DOCK1: variants seen among roughly 807,000 people sequenced by gnomAD.
The protein encoded by DOCK1 is dedicator of cytokinesis 1.
Under a neutral mutation model 262.7 loss-of-function variants are expected in DOCK1, and 138 were observed. That is an observed-to-expected ratio of 0.53 (90% CI 0.46 to 0.61). DOCK1 has a LOEUF of 0.61. Ranked by LOEUF, DOCK1 falls within the 20% of genes least tolerant of loss-of-function variation. The pLI, the probability that DOCK1 is intolerant of heterozygous loss-of-function variation, is 0.00. For synonymous variants in DOCK1, 866 were observed against 867.4 expected, an observed-to-expected ratio of 1.00 and a Z score of 0.03; for missense variants, 1,908 against 2,370.7, an observed-to-expected ratio of 0.80 and a Z score of 4.05.
At chr10:127,392,686 C>A (rs956520918) in intron 38 of DOCK1, among the ~76,000 whole-genome samples, 14 of 152,202 alleles carry the variant, frequency 9.2e-5, no homozygotes, top group African/African-American at 3.4e-4. Context: ...GTTAACGGAT[C>A]TTGCATCCTG....
chr10:127,363,105 G>T (rs1409394371), intron 33 of DOCK1, among the ~76,000 whole-genome samples: 1 of 105,442 alleles, frequency 9.5e-6, no homozygotes, highest in East Asian at 2.9e-4. Context: ...ACATGCACAT[G>T]CTATGACTTT....
chr10:127,237,704 G>A (rs2059122785), intron 27 of DOCK1, among the ~76,000 whole-genome samples: 1 of 152,150 alleles, frequency 6.6e-6, no homozygotes, highest in African/African-American at 2.4e-5. Context: ...ATCATTGGTT[G>A]TAGTTCTATT....
intron 29 of DOCK1, among the ~76,000 whole-genome samples, chr10:127,263,920 T>C (rs1354023073): frequency 2.0e-5 from 3 of 152,182 alleles, no homozygotes; most frequent in African/African-American, 4.8e-5. Flanking sequence ...ACTAGAATTT[T>C]AAGTGATAGG....
At chr10:127,447,702 C>T (rs369768271) in intron 51 of DOCK1, among the ~76,000 whole-genome samples, 157 bp downstream of exon 51, 3 of 152,234 alleles carry the variant, frequency 2.0e-5, no homozygotes, top group African/African-American at 7.2e-5. Context: ...AAAAAGATAT[C>T]GAAGCAGTAA....
chr10:127,378,919 C>T (rs2065675615), intron 35 of DOCK1, among the ~76,000 whole-genome samples: 1 of 152,146 alleles, frequency 6.6e-6, no homozygotes, highest in African/African-American at 2.4e-5. Flanking sequence ...CTAAATGTGC[C>T]CCCGCTTATT....
chr10:127,216,073 C>A (rs758805490), intron 27 of DOCK1, among the ~76,000 whole-genome samples: 1 of 152,080 alleles, frequency 6.6e-6, no homozygotes, highest in Non-Finnish European at 1.5e-5. Flanking sequence ...CAGGACCGGG[C>A]CTTCACTGAG....
At chr10:127,302,649 A>G (rs2061721200) in intron 29 of DOCK1, among the ~76,000 whole-genome samples, 1 of 151,848 alleles carries the variant, frequency 6.6e-6, no homozygotes, top group Non-Finnish European at 1.5e-5. Context: ...TGTATTCTTC[A>G]GTTGAAGTCT....
intron 31 of DOCK1, among the ~76,000 whole-genome samples, chr10:127,348,636 GGGGT>G (rs2063749094): frequency 5.1e-5 from 1 of 19,756 alleles, no homozygotes; most frequent in African/African-American, 2.3e-4. Context: ...CAGTTTTGGC[GGGGT>G]GGGTGGGTTG....
intron 40 of DOCK1, among the ~76,000 whole-genome samples, chr10:127,408,198 C>G (rs1345968125): frequency 1.3e-5 from 2 of 152,170 alleles, no homozygotes; most frequent in African/African-American, 2.4e-5. Context: ...CTCCCCTCCC[C>G]GCCCCGGACT....
chr10:127,242,090 C>A (rs1436861247), intron 27 of DOCK1, among the ~76,000 whole-genome samples: 2 of 152,152 alleles, frequency 1.3e-5, no homozygotes, highest in Admixed American at 1.3e-4. Context: ...CACTCATCAC[C>A]CTCTTTCCTG....
intron 1 of DOCK1, among the ~76,000 whole-genome samples, chr10:126,908,430 C>A (rs2031266184): frequency 6.6e-6 from 1 of 152,216 alleles, no homozygotes; most frequent in South Asian, 2.1e-4. Context: ...CACTTCCACT[C>A]TGGCCACTTG....
intron 38 of DOCK1, among the ~76,000 whole-genome samples, chr10:127,399,395 A>G (rs943831292): frequency 3.3e-5 from 5 of 152,180 alleles, no homozygotes; most frequent in Non-Finnish European, 5.9e-5. Flanking sequence ...CGTTGGAAGT[A>G]TGAATTACCC....
intron 11 of DOCK1, among the ~76,000 whole-genome samples, chr10:127,010,563 GC>G (rs370642597): frequency 3.3e-5 from 5 of 152,296 alleles, no homozygotes; most frequent in South Asian, 2.1e-4. Context: ...GAGGTCAGTG[GC>G]CCCGTCCTGG....
chr10:127,101,855 C>T (rs12249890), intron 23 of DOCK1, among the ~76,000 whole-genome samples: 34,369 of 152,086 alleles, frequency 0.23, 5,516 homozygotes, highest in African/African-American at 0.46. Flanking sequence ...TCTGGGCGTT[C>T]GCAAGCGAAA....
intron 47 of DOCK1, among the ~76,000 whole-genome samples, chr10:127,431,778 C>T (rs1025317723): frequency 7.9e-5 from 12 of 152,204 alleles, no homozygotes; most frequent in East Asian, 7.7e-4. Flanking sequence ...CGTGGCAGCG[C>T]GTGCTAGTTT....
intron 7 of DOCK1, 39 bp from the exon 8 acceptor site, chr10:126,998,053 T>A (rs765929711): frequency 1.2e-6 from 2 of 1,610,646 alleles, no homozygotes; most frequent in South Asian, 2.2e-5. Context: ...CAGTGATGAG[T>A]GTTGCTGGGG....
intron 23 of DOCK1, among the ~76,000 whole-genome samples, chr10:127,096,888 C>T (rs1194743447): frequency 1.3e-5 from 2 of 151,996 alleles, no homozygotes; most frequent in African/African-American, 2.4e-5. Context: ...AGGTGGATCA[C>T]GAGGTCAGGA....
chr10:127,158,641 A>T (rs1382939532), intron 27 of DOCK1, among the ~76,000 whole-genome samples: 1 of 152,202 alleles, frequency 6.6e-6, no homozygotes, highest in Non-Finnish European at 1.5e-5. Flanking sequence ...CTATTTAAAG[A>T]ATTCCAACTG....
rs1290336805 is a variant in DOCK1, at chr10:127,381,280, A to G, written c.3719A>G (p.Tyr1240Cys). 3 of 1,608,538 alleles carry G rather than the reference A, an allele frequency of 1.9e-6. No individual in the cohort carries two copies. The highest frequency in any genetic ancestry group is 2.5e-6 in the Non-Finnish European group (3 of 1,176,872). Reference sequence around the variant, plus strand: ...ATACCTCTGTTTTATTGTCTCAGGTATTTGTACAAGCTCTGTGACCTGCAC... The same window carrying G: ...ATACCTCTGTTTTATTGTCTCAGGTGTTTGTACAAGCTCTGTGACCTGCAC... ...EIEREEMYIR[Y>C]LYKLCDLHKE... Residue 1240 changes from tyrosine (Y) to cysteine (C), a missense_variant and splice_region_variant, in exon 37 of 52, where the codon TAT (tyrosine) becomes TGT (cysteine). Coordinates refer to ENST00000623213, the MANE Select transcript of DOCK1 (RefSeq NM_001290223.2).
Sources: allele counts gnomAD v4.1 joint callset (sites outside exome capture counted in the v4.1 genomes callset), GRCh38; gene constraint gnomAD v4.1.1; transcripts MANE v1.5; gene names NCBI Gene and HGNC (gene_info 2026-07-23, HGNC 2026-07-21).